Variants in WWOX observed in about 807,000 individuals in gnomAD.
The protein encoded by WWOX is WW domain-containing oxidoreductase.
WWOX carries 69 observed loss-of-function variants against 46.2 expected under a neutral mutation model. The ratio of observed to expected loss-of-function variants is 1.49; its 90% CI spans 1.23 to 1.82. The LOEUF is 1.82. WWOX is among the 40% of genes most tolerant of loss of function. The pLI, the probability that WWOX is intolerant of heterozygous loss-of-function variation, is 0.00. For missense variants in WWOX, 919 were observed against 542.6 expected, an observed-to-expected ratio of 1.69 and a Z score of -6.89; for synonymous variants, 359 against 202.6, an observed-to-expected ratio of 1.77 and a Z score of -6.56.
At chr16:79,038,575 G>A (rs966166531) in intron 8 of WWOX, among the ~76,000 whole-genome samples, 1 of 152,072 alleles carries the variant, frequency 6.6e-6, no homozygotes, top group Non-Finnish European at 1.5e-5. Context: ...TTGAGACAGA[G>A]TTTCTCTCTT....
intron 8 of WWOX, among the ~76,000 whole-genome samples, chr16:78,547,635 G>A (rs2151537606): frequency 6.6e-6 from 1 of 152,252 alleles, no homozygotes; most frequent in South Asian, 2.1e-4. Context: ...CTTGAGGCTG[G>A]GAAGTCCAAG....
Position 79,211,921 on chromosome 16 carries a change from C to G in WWOX, c.*125C>G. ...TCCGCAAGAGTAAAGGAAATAAGAG[C>G]AGTCACAACAGAGTGAAAAATCTTA... On this transcript the variant is annotated 3_prime_UTR_variant, in exon 9 of 9. Transcript: ENST00000566780. 1 of 1,542,612 alleles carries G rather than the reference C, an allele frequency of 6.5e-7. No homozygotes were observed. The highest frequency in any genetic ancestry group is 1.2e-5 in the South Asian group (1 of 84,684).
intron 6 of WWOX, among the ~76,000 whole-genome samples, chr16:78,424,258 C>G (rs968740004): frequency 1.3e-5 from 2 of 151,794 alleles, no homozygotes; most frequent in African/African-American, 4.8e-5. Flanking sequence ...ACTGGGATTA[C>G]AGACATATAC....
At chr16:78,397,987 G>A (rs1279454731) in intron 6 of WWOX, among the ~76,000 whole-genome samples, 3 of 152,252 alleles carry the variant, frequency 2.0e-5, no homozygotes, top group African/African-American at 7.2e-5. Flanking sequence ...AGCTGAAGCG[G>A]CAGCTGTTGA....
At chr16:78,727,546 A>G (rs2048865814) in intron 8 of WWOX, among the ~76,000 whole-genome samples, 1 of 152,174 alleles carries the variant, frequency 6.6e-6, no homozygotes. Context: ...GGAGGGACAC[A>G]AGGTCTGGGT....
At chr16:78,173,191 A>G (rs2035219195) in intron 5 of WWOX, among the ~76,000 whole-genome samples, 1 of 152,262 alleles carries the variant, frequency 6.6e-6, no homozygotes, top group Non-Finnish European at 1.5e-5. Flanking sequence ...CCAGTGGAAT[A>G]GAGGTAGCCC....
At chr16:78,861,039 C>G (rs567697186) in intron 8 of WWOX, among the ~76,000 whole-genome samples, 1 of 152,006 alleles carries the variant, frequency 6.6e-6, no homozygotes, top group African/African-American at 2.4e-5. Flanking sequence ...AGGCTTGTCT[C>G]GAACTCCTGG....
intron 8 of WWOX, among the ~76,000 whole-genome samples, chr16:78,685,897 A>G (rs1166017826): frequency 8.3e-6 from 1 of 120,800 alleles, no homozygotes; most frequent in Non-Finnish European, 2.0e-5. Flanking sequence ...GAGAGGAAAA[A>G]AAACAAAAAA....
chr16:79,074,066 T>A (rs2048603410), intron 8 of WWOX, among the ~76,000 whole-genome samples: 1 of 151,752 alleles, frequency 6.6e-6, no homozygotes, highest in Admixed American at 6.6e-5. Context: ...CTGCTACGAG[T>A]GTATACAGGC....
At chr16:78,543,142 G>T (rs899426615) in intron 8 of WWOX, among the ~76,000 whole-genome samples, 5 of 152,182 alleles carry the variant, frequency 3.3e-5, no homozygotes, top group African/African-American at 1.2e-4. Flanking sequence ...GTCCCTGAGG[G>T]ACCCGGACTT....
At chr16:78,288,154 T>G (rs2079800504) in intron 5 of WWOX, among the ~76,000 whole-genome samples, 1 of 152,200 alleles carries the variant, frequency 6.6e-6, no homozygotes, top group Non-Finnish European at 1.5e-5. Context: ...TAGACTAGGT[T>G]TTTAAATGAA....
chr16:78,747,619 A>G (rs539046920), intron 8 of WWOX, among the ~76,000 whole-genome samples: 1 of 152,092 alleles, frequency 6.6e-6, no homozygotes, highest in African/African-American at 2.4e-5. Context: ...TCGAATTCAA[A>G]CCCTGCCTCT....
At chr16:79,074,840 C>G (rs977369501) in intron 8 of WWOX, among the ~76,000 whole-genome samples, 1 of 151,634 alleles carries the variant, frequency 6.6e-6, no homozygotes. Flanking sequence ...GGAGATAAAT[C>G]TCTTGCAAGG....
chr16:78,906,075 C>T lies in WWOX; in HGVS notation c.1057-305533C>T, dbSNP rs528811490. On this transcript the variant is annotated intron_variant, in intron 8 of 8. Coordinates refer to ENST00000566780, the MANE Select transcript of WWOX (RefSeq NM_016373.4). ...AATAACATAGGCTACAGTATTTTGT[C>T]TTCTTGGTTAGGGACCTTGAGTAAA... Among the ~76,000 whole-genome samples the T allele has an allele frequency of 2.0e-5, 3 of 152,290 alleles. No individual in the cohort carries two copies. In the South Asian group the frequency reaches 6.2e-4, roughly 32 times the overall value.
intron 8 of WWOX, among the ~76,000 whole-genome samples, chr16:78,662,841 T>C (rs1378003121): frequency 6.6e-6 from 1 of 152,112 alleles, no homozygotes; most frequent in Non-Finnish European, 1.5e-5. Context: ...GGTTGTTGGC[T>C]GTTGCCACAT....
chr16:79,016,581 C>G (rs1417974382), intron 8 of WWOX: 1 of 152,284 alleles, frequency 6.6e-6, no homozygotes, highest in African/African-American at 2.4e-5. Flanking sequence ...CGCCACCATG[C>G]CCACCTAATT....
chr16:79,209,858 GAAT>G (rs1420978799), intron 8 of WWOX, among the ~76,000 whole-genome samples: 139 of 152,268 alleles, frequency 9.1e-4, no homozygotes, highest in African/African-American at 3.3e-3. Flanking sequence ...GGGTTATTAG[GAAT>G]AATAATTCAG....
chr16:78,660,172 T>G (rs773255609), intron 8 of WWOX, among the ~76,000 whole-genome samples: 2 of 152,176 alleles, frequency 1.3e-5, no homozygotes, highest in Non-Finnish European at 2.9e-5. Context: ...CTGTGCTGCT[T>G]TTTTTGTTTT....
At chr16:78,860,272 A>G (rs920460552) in intron 8 of WWOX, among the ~76,000 whole-genome samples, 6 of 152,232 alleles carry the variant, frequency 3.9e-5, no homozygotes, top group Non-Finnish European at 1.5e-5. Context: ...ATATTTGTGA[A>G]TCAGTAAATG....
Sources: allele counts gnomAD v4.1 joint callset (sites outside exome capture counted in the v4.1 genomes callset), GRCh38; gene constraint gnomAD v4.1.1; transcripts MANE v1.5; gene names NCBI Gene and HGNC (gene_info 2026-07-23, HGNC 2026-07-21).